The following RPS29 variants were observed in gnomAD, a reference collection of about 807,000 sequenced individuals.
RPS29 encodes small ribosomal subunit protein uS14.
For missense variants in RPS29, 60 were observed against 75.7 expected (o/e 0.79, Z 0.77); for synonymous variants, 37 against 26.9 (o/e 1.37, Z -1.16).
exon 3 of RPS29, chr14:49,577,630 T>G: frequency 1.4e-6 from 1 of 712,070 alleles, no homozygotes; most frequent in Non-Finnish European, 2.5e-6. Flanking sequence ...ATAACCAATG[T>G]TGGGCATAGA....
intron 2 of RPS29, among the ~76,000 whole-genome samples, chr14:49,578,461 A>T (rs1336648251): frequency 6.6e-6 from 1 of 152,134 alleles, no homozygotes; most frequent in Non-Finnish European, 1.5e-5. Flanking sequence ...TTGTTTTTTA[A>T]CATAATAAAA....
At position 49,586,047 on chromosome 14, in the gene RPS29, C is replaced by A; in HGVS notation, c.65G>T (p.Arg22Leu). 6.2e-7 allele frequency: 1 copy of A among 1,612,346 alleles called. No homozygotes were observed. Among genetic ancestry groups the A allele is most frequent in the Non-Finnish European group, 8.5e-7 (1 of 1,178,542 alleles). Residue 22 changes from arginine to leucine, a missense_variant and splice_region_variant, in exon 2 of 3, where the codon CGT (arginine) becomes CTT (leucine). Physicochemically the swap from Arg to Leu is moderately radical, Grantham distance 102 (BLOSUM62 -2). Coordinates refer to ENST00000245458, the MANE Select transcript of RPS29 (RefSeq NM_001032.5). ...RKFGQGSRSC[R>L]VCSNRHGLIR... The stretch of plus-strand genomic sequence containing the variant: ...CAGACCGTGCCGGTTTGAACAGACA[C>A]GACTGTAAGAAAAGAGACAGCGGTT...
chr14:49,582,012 C>CCAAAAAAA (rs71115379), downstream of RPS29, among the ~76,000 whole-genome samples: 32 of 106,478 alleles, frequency 3.0e-4, no homozygotes, highest in African/African-American at 6.3e-4. Flanking sequence ...CCCTGCCCCC[C>CCAAAAAAA]AAAAAAAAAA....
rs767491858 is a variant in RPS29, at chr14:49,586,347, C to A, written c.-1G>T. On this transcript the variant is annotated 5_prime_UTR_variant, in exon 1 of 3. Coordinates refer to ENST00000245458, the MANE Select transcript of RPS29 (RefSeq NM_001032.5). ...TCCAGTACAGCTGCTGGTGACCCAT[C>A]TTGCTCTCAGCAGTGCAACGAGGTA... is the stretch of plus-strand genomic sequence containing the variant. 22 of 1,613,820 alleles carry A rather than the reference C, an allele frequency of 1.4e-5. 1 individual carries two copies. The East Asian group carries it at 4.0e-4, about 29-fold the overall frequency.
exon 3 of RPS29, chr14:49,571,652 T>C (rs2139496802): frequency 6.6e-6 from 1 of 152,260 alleles, no homozygotes; most frequent in African/African-American, 2.4e-5. Context: ...TATACATATA[T>C]AATGAAACCC....
At position 49,592,971 on chromosome 14, in the gene RPS29, T is replaced by C. The variant is rs532370766; in HGVS notation, c.-133+5429A>G. On this transcript the variant is annotated intron_variant, in intron 1 of 3. Coordinates refer to the RPS29 transcript ENST00000556230. ...GCCTTTAGGTTTTGCATCAAAATTC[T>C]TTAAAGGTTACATGTGTTTTCCTGT... is the stretch of plus-strand genomic sequence containing the variant. 1.4e-4 allele frequency among the ~76,000 whole-genome samples: 21 copies of C among 152,298 alleles called. No individual in the cohort carries two copies. The South Asian group carries it at 1.7e-3, about 12-fold the overall frequency.
intron 2 of RPS29, among the ~76,000 whole-genome samples, chr14:49,578,558 A>ATTTTTTTT (rs1881248697): frequency 2.3e-5 from 1 of 43,026 alleles, no homozygotes; most frequent in African/African-American, 8.5e-5. Flanking sequence ...CAAAGCTTTC[A>ATTTTTTTT]CTTTTTTTTT....
upstream of RPS29, among the ~76,000 whole-genome samples, chr14:49,590,686 G>T (rs1881691678): frequency 6.7e-6 from 1 of 150,306 alleles, no homozygotes; most frequent in Non-Finnish European, 1.5e-5. Flanking sequence ...TTAGAATTAG[G>T]TCTTTTTTTT....
At position 49,585,967 on chromosome 14, in the gene RPS29, C is replaced by A; in HGVS notation, c.145G>T (p.Asp49Tyr). The A allele has an allele frequency of 6.2e-7, 1 of 1,613,754 alleles. No individual in the cohort carries two copies. Among genetic ancestry groups the A allele is most frequent in the Non-Finnish European group, 8.5e-7 (1 of 1,179,714 alleles). ...CRQCFRQYAKDIGFIKLD is the reference protein window; with the variant it reads ...CRQCFRQYAKYIGFIKLD ...ACGCCTACCTTAATGAAACCGATAT[C>A]CTTCGCGTACTGACGGAAACACTGG... Residue 49 changes from aspartate to tyrosine, a missense_variant, in exon 2 of 3, where the codon GAT becomes TAT. Coordinates refer to ENST00000245458, the MANE Select transcript of RPS29 (RefSeq NM_001032.5).
intron 1 of RPS29, among the ~76,000 whole-genome samples, chr14:49,595,115 T>C (rs1041909299): frequency 3.3e-5 from 5 of 152,188 alleles, no homozygotes; most frequent in African/African-American, 4.8e-5. Context: ...GTCTTTTTTT[T>C]CCCTTTTTTG....
chr14:49,582,010 C>CT (rs953791885), downstream of RPS29, among the ~76,000 whole-genome samples: 2 of 50,236 alleles, frequency 4.0e-5, no homozygotes, highest in Non-Finnish European at 9.7e-5. Context: ...GACCCTGCCC[C>CT]CCAAAAAAAA....
At chr14:49,591,099 C>G (rs1318991593), upstream of RPS29, among the ~76,000 whole-genome samples, 1 of 152,044 alleles carries the variant, frequency 6.6e-6, no homozygotes, top group Non-Finnish European at 1.5e-5. Flanking sequence ...TTTTAATTAA[C>G]TGTACATATT....
At chr14:49,583,724 A>C in intron 2 of RPS29, 49 bp from the exon 3 acceptor site, 2 of 1,148,290 alleles carry the variant, frequency 1.7e-6, no homozygotes, top group Non-Finnish European at 2.6e-6. Flanking sequence ...TTAAATCTCT[A>C]CTTGATTCTC....
chr14:49,584,621 G>A (rs541401468), intron 2 of RPS29, among the ~76,000 whole-genome samples: 13 of 152,090 alleles, frequency 8.5e-5, no homozygotes, highest in Admixed American at 7.2e-4. Context: ...AAAATAGGCC[G>A]GGCGTGGTGG....
downstream of RPS29, among the ~76,000 whole-genome samples, chr14:49,581,247 CTCT>C (rs1257920045): frequency 6.6e-6 from 1 of 152,116 alleles, no homozygotes; most frequent in Non-Finnish European, 1.5e-5. Context: ...AGTTAAGATG[CTCT>C]TTCCATTCCA....
chr14:49,573,170 C>CA (rs1309437069), exon 3 of RPS29: 1 of 151,162 alleles, frequency 6.6e-6, no homozygotes. Context: ...AAAGAAAATA[C>CA]AAAAAATAAA....
At chr14:49,573,103 G>GAAAGAAA (rs1566473648) in exon 3 of RPS29, 6 of 142,556 alleles carry the variant, frequency 4.2e-5, no homozygotes, top group African/African-American at 1.3e-4. Flanking sequence ...AAAGAAAGAA[G>GAAAGAAA]GAAAGAAAGA....
exon 3 of RPS29, chr14:49,572,408 A>C (rs1005230718): frequency 3.3e-5 from 5 of 152,252 alleles, no homozygotes; most frequent in African/African-American, 1.2e-4. Flanking sequence ...GGTTGAGGTC[A>C]GAATACTTTC....
At chr14:49,586,571 T>C (rs372259084), upstream of RPS29, 31 of 558,038 alleles carry the variant, frequency 5.6e-5, no homozygotes, top group Admixed American at 1.2e-4. Flanking sequence ...TCTGCGCCGG[T>C]ATCCGACCGC....
Sources: allele counts gnomAD v4.1 joint callset (sites outside exome capture counted in the v4.1 genomes callset), GRCh38; gene constraint gnomAD v4.1.1; transcripts MANE v1.5; gene names NCBI Gene and HGNC (gene_info 2026-07-23, HGNC 2026-07-21).